The following SOX5 variants were observed in gnomAD, a reference collection of about 807,000 sequenced individuals.
The protein encoded by SOX5 is transcription factor SOX-5.
A neutral mutation model predicts 92.0 loss-of-function variants in SOX5; 9 were observed. The observed-to-expected ratio is 0.10, with a 90% CI of 0.06 to 0.17. The LOEUF (loss-of-function observed/expected upper bound fraction) is 0.17. Ranked by LOEUF, SOX5 falls within the 10% of genes least tolerant of loss-of-function variation. The pLI, the probability that SOX5 is intolerant of heterozygous loss-of-function variation, is 1.00. For missense variants in SOX5, 642 were observed against 944.5 expected (o/e 0.68, Z 4.20); for synonymous variants, 344 against 336.3 (o/e 1.02, Z -0.25).
At chr12:24,138,149 T>C (rs2138611231) in intron 4 of SOX5, among the ~76,000 whole-genome samples, 1 of 152,310 alleles carries the variant, frequency 6.6e-6, no homozygotes, top group South Asian at 2.1e-4. Context: ...TTAGCCAAAA[T>C]TTGCCACTTA....
intron 6 of SOX5, among the ~76,000 whole-genome samples, chr12:23,697,503 A>G (rs941969813): frequency 1.2e-4 from 18 of 152,008 alleles, no homozygotes; most frequent in African/African-American, 3.9e-4. Context: ...TAACTTGACA[A>G]TCTCTGATTT....
chr12:23,998,041 A>G (rs1951203041), intron 4 of SOX5, among the ~76,000 whole-genome samples: 1 of 152,110 alleles, frequency 6.6e-6, no homozygotes, highest in Admixed American at 6.6e-5. Flanking sequence ...ATCACAAAAC[A>G]TGTAAAGAAA....
intron 3 of SOX5, among the ~76,000 whole-genome samples, chr12:23,820,178 C>T (rs886944255): frequency 6.6e-6 from 1 of 152,098 alleles, no homozygotes; most frequent in Non-Finnish European, 1.5e-5. Context: ...CTCTAATGAC[C>T]AGTGATGATG....
At chr12:24,145,908 T>C (rs1951032657) in intron 4 of SOX5, among the ~76,000 whole-genome samples, 1 of 152,198 alleles carries the variant, frequency 6.6e-6, no homozygotes, top group Admixed American at 6.5e-5. Context: ...TGTTTCATAA[T>C]AATGAAGAGG....
chr12:24,240,856 G>A (rs1488823503), intron 3 of SOX5, among the ~76,000 whole-genome samples: 2 of 152,160 alleles, frequency 1.3e-5, no homozygotes, highest in East Asian at 1.9e-4. Context: ...AATATGCAGT[G>A]TAACATTTCA....
intron 4 of SOX5, among the ~76,000 whole-genome samples, chr12:23,991,752 T>TC (rs1569428282): frequency 2.0e-5 from 3 of 150,258 alleles, no homozygotes; most frequent in African/African-American, 7.3e-5. Context: ...ACAGGAGGTT[T>TC]TTTTTTTTTT....
In SOX5 at chr12:23,831,535, G is replaced by C. The variant is rs555142452; in HGVS notation, c.481+14448C>G. 5.3e-5 allele frequency among the ~76,000 whole-genome samples: 8 copies of C among 152,146 alleles called. No homozygotes were observed. In the East Asian group the frequency reaches 1.4e-3, roughly 26 times the overall value. The stretch of plus-strand genomic sequence containing the variant: ...GTCTATAGTCTATAGATGATCCTGA[G>C]GGTGAAGGCTTGAGGTCTGCCACCA... On this transcript the variant is annotated intron_variant, in intron 3 of 14. Transcript: ENST00000451604.
intron 4 of SOX5, among the ~76,000 whole-genome samples, chr12:24,202,863 G>A (rs931698653): frequency 6.6e-6 from 1 of 152,090 alleles, no homozygotes; most frequent in Admixed American, 6.5e-5. Flanking sequence ...GTTTTAGGTG[G>A]TGTCTGCCAG....
chr12:24,452,410 C>T (rs1300789170), intron 1 of SOX5, among the ~76,000 whole-genome samples: 6 of 152,154 alleles, frequency 3.9e-5, no homozygotes, highest in African/African-American at 7.2e-5. Flanking sequence ...TGGAGAAGTT[C>T]GGAGCAGGAA....
Position 23,704,687 on chromosome 12 carries a change from CATATAT to C in SOX5, c.810+29991_810+29996del, listed in dbSNP as rs376550773. Among the ~76,000 whole-genome samples the C allele has an allele frequency of 1.6e-3, 148 of 90,132 alleles. 3 individuals carry two copies. Among genetic ancestry groups the C allele is most frequent in the African/African-American group, 4.7e-3 (123 of 25,984 alleles). The allele number at this position is 90,132 out of a possible 152,430, so 59.1% of individuals were successfully genotyped here. On this transcript the variant is annotated intron_variant, in intron 6 of 14. Transcript: ENST00000451604. Reference sequence around the variant, plus strand: ...TTAGTTCTGGGCATATATATGCATGCATATATATATATATATATATATATATATACA... The same window carrying C: ...TTAGTTCTGGGCATATATATGCATGCATATATATATATATATATATATACA...
chr12:24,547,205 GACGGAGTCTC>G (rs1952712084), intron 1 of SOX5, among the ~76,000 whole-genome samples: 1 of 111,264 alleles, frequency 9.0e-6, no homozygotes, highest in Non-Finnish European at 1.8e-5. Context: ...TTTTTTTTGA[GACGGAGTCTC>G]GCTCTGTCGC....
chr12:23,958,255 T>C (rs1482622941), intron 4 of SOX5, among the ~76,000 whole-genome samples: 2 of 152,204 alleles, frequency 1.3e-5, no homozygotes, highest in Non-Finnish European at 2.9e-5. Flanking sequence ...ATTGTTCTTA[T>C]ATTGAGTGTG....
chr12:24,298,877 G>C (rs1947624322), intron 2 of SOX5, among the ~76,000 whole-genome samples: 1 of 151,022 alleles, frequency 6.6e-6, no homozygotes, highest in Non-Finnish European at 1.5e-5. Flanking sequence ...CCAGGAGTGA[G>C]AAAGTTAACC....
At chr12:24,383,744 A>G (rs988353571) in intron 1 of SOX5, among the ~76,000 whole-genome samples, 1 of 151,950 alleles carries the variant, frequency 6.6e-6, no homozygotes, top group Non-Finnish European at 1.5e-5. Flanking sequence ...GTAGAAGACA[A>G]TTTTTCCAAG....
intron 2 of SOX5, among the ~76,000 whole-genome samples, chr12:23,889,097 C>T (rs555604708): frequency 6.6e-6 from 1 of 152,268 alleles, no homozygotes; most frequent in South Asian, 2.1e-4. Flanking sequence ...GAGCACATTC[C>T]ACATCGTTCA....
chr12:24,506,784 CTTTTT>C (rs386375924), intron 1 of SOX5, among the ~76,000 whole-genome samples: 10 of 81,768 alleles, frequency 1.2e-4, no homozygotes, highest in African/African-American at 3.4e-4. Flanking sequence ...TCCAAATGGT[CTTTTT>C]TTTTTTTTTT....
At chr12:24,401,274 C>A (rs372738219) in intron 1 of SOX5, among the ~76,000 whole-genome samples, 1 of 150,932 alleles carries the variant, frequency 6.6e-6, no homozygotes, top group African/African-American at 2.4e-5. Context: ...ATTGCTTCAA[C>A]CTGGGAGGCA....
intron 2 of SOX5, among the ~76,000 whole-genome samples, chr12:23,888,918 C>A (rs1045844791): frequency 6.6e-6 from 1 of 152,110 alleles, no homozygotes; most frequent in Non-Finnish European, 1.5e-5. Context: ...GATAAGCAAG[C>A]CTATCTCCTA....
chr12:24,502,651 T>C (rs35406147), intron 1 of SOX5, among the ~76,000 whole-genome samples: 14,535 of 152,212 alleles, frequency 0.095, 752 homozygotes, highest in South Asian at 0.16. Flanking sequence ...CTAAAATTGG[T>C]GCCGAGAAGA....
Sources: allele counts gnomAD v4.1 joint callset (sites outside exome capture counted in the v4.1 genomes callset), GRCh38; gene constraint gnomAD v4.1.1; transcripts MANE v1.5; gene names NCBI Gene and HGNC (gene_info 2026-07-23, HGNC 2026-07-21).